The following EPHA6 variants were observed in gnomAD, a reference collection of about 807,000 sequenced individuals.
The protein encoded by EPHA6 is EPH receptor A6.
Under a neutral mutation model 112.0 loss-of-function variants are expected in EPHA6, and 50 were observed. That is an observed-to-expected ratio of 0.45 (90% CI 0.36 to 0.56). The LOEUF is 0.56. Ranked by LOEUF, EPHA6 falls within the 20% of genes least tolerant of loss-of-function variation. The pLI, the probability that EPHA6 is intolerant of heterozygous loss-of-function variation, is 0.00. For missense variants in EPHA6, 1,280 were observed against 1,417.4 expected (o/e 0.90, Z 1.56); for synonymous variants, 529 against 490.7 (o/e 1.08, Z -1.03).
chr3:97,217,288 A>C (rs1360967471), intron 3 of EPHA6, among the ~76,000 whole-genome samples: 1 of 152,150 alleles, frequency 6.6e-6, no homozygotes, highest in Non-Finnish European at 1.5e-5. Flanking sequence ...TGCTCACTTA[A>C]ATTTTACTAA....
chr3:96,928,161 T>C (rs2107648267), intron 2 of EPHA6, among the ~76,000 whole-genome samples: 1 of 152,290 alleles, frequency 6.6e-6, no homozygotes, highest in South Asian at 2.1e-4. Flanking sequence ...ATGAGATTTG[T>C]GTGGGGACAC....
intron 5 of EPHA6, among the ~76,000 whole-genome samples, chr3:97,328,050 T>TACACACAC (rs1191368089): frequency 1.4e-5 from 1 of 69,524 alleles, no homozygotes; most frequent in African/African-American, 4.9e-5. Context: ...CACACATATA[T>TACACACAC]ACACATATAT....
chr3:96,851,381 A>G (rs1299071471), intron 1 of EPHA6, among the ~76,000 whole-genome samples: 1 of 152,154 alleles, frequency 6.6e-6, no homozygotes, highest in African/African-American at 2.4e-5. Flanking sequence ...TATTTAGAGG[A>G]TGAGAATTTA....
intron 15 of EPHA6, among the ~76,000 whole-genome samples, chr3:97,721,957 C>A (rs1303991587): frequency 6.6e-6 from 1 of 152,168 alleles, no homozygotes; most frequent in Non-Finnish European, 1.5e-5. Context: ...CATAATTCCT[C>A]TTCTGCCCTA....
intron 14 of EPHA6, among the ~76,000 whole-genome samples, chr3:97,717,984 A>G (rs1373020496): frequency 6.6e-6 from 1 of 152,192 alleles, no homozygotes; most frequent in East Asian, 1.9e-4. Flanking sequence ...TTAGCAAAGG[A>G]ACAGCCAGGC....
chr3:96,946,271 C>T (rs1304159999), intron 2 of EPHA6, among the ~76,000 whole-genome samples: 4 of 151,886 alleles, frequency 2.6e-5, no homozygotes, highest in Admixed American at 1.3e-4. Context: ...TGTGCTGCAC[C>T]GAGTAACTCG....
At chr3:97,098,114 A>G (rs1202374506) in intron 3 of EPHA6, among the ~76,000 whole-genome samples, 1 of 151,908 alleles carries the variant, frequency 6.6e-6, no homozygotes, top group Non-Finnish European at 1.5e-5. Context: ...AGTTCTCACA[A>G]TGACTTTTTG....
chr3:96,936,164 A>AC (rs574316710), intron 2 of EPHA6, among the ~76,000 whole-genome samples: 10 of 152,030 alleles, frequency 6.6e-5, no homozygotes, highest in Non-Finnish European at 1.5e-4. Flanking sequence ...AACAACATCT[A>AC]TTTTTTTAAA....
At chr3:96,882,298 C>T (rs2037360360) in intron 2 of EPHA6, among the ~76,000 whole-genome samples, 1 of 152,198 alleles carries the variant, frequency 6.6e-6, no homozygotes. Flanking sequence ...CCAGGTGTTT[C>T]CATACATCTT....
rs1464684598 is a variant in EPHA6 at position 97,307,608 on chromosome 3, G to GT, written c.1606+63321_1606+63322insT. Among the ~76,000 whole-genome samples, 75 of 142,082 alleles carry GT rather than the reference G, an allele frequency of 5.3e-4. 1 individual carries two copies. The highest frequency in any genetic ancestry group is 1.7e-3 in the African/African-American group (61 of 36,406). 93.2% of individuals were successfully genotyped at this position (142,082 alleles called of 152,430 possible). ...ACTAGTTTTGTCTTTACATTTTGTT[G>GT]CCTTTTTTTTTTTCTTTAAAGGTGA... On this transcript the variant is annotated intron_variant, in intron 5 of 17. Coordinates refer to ENST00000389672, the MANE Select transcript of EPHA6 (RefSeq NM_001080448.3).
chr3:97,102,097 T>TC (rs1232738051), intron 3 of EPHA6, among the ~76,000 whole-genome samples: 1 of 152,066 alleles, frequency 6.6e-6, no homozygotes, highest in Non-Finnish European at 1.5e-5. Context: ...TTCTTGGTAC[T>TC]CAGACACTCT....
intron 16 of EPHA6, among the ~76,000 whole-genome samples, chr3:97,736,470 AGTGTGTGTGTGTGTGTGTGTGT>A (rs376497031): frequency 3.4e-5 from 4 of 118,812 alleles, no homozygotes; most frequent in Non-Finnish European, 6.8e-5. Context: ...AGAGAGAGAG[AGTGTGTGTGTGTGTGTGTGTGT>A]GTGTGTGTGT....
At chr3:97,535,341 T>C (rs572466685) in intron 11 of EPHA6, among the ~76,000 whole-genome samples, 1 of 152,196 alleles carries the variant, frequency 6.6e-6, no homozygotes, top group Non-Finnish European at 1.5e-5. Flanking sequence ...AAATCTCATA[T>C]CTGTTATAGG....
At chr3:97,376,358 A>G (rs2085355132) in intron 5 of EPHA6, among the ~76,000 whole-genome samples, 1 of 152,178 alleles carries the variant, frequency 6.6e-6, no homozygotes. Flanking sequence ...TGAAATAGGC[A>G]GGCTTCTGAC....
At chr3:96,842,559 A>G (rs2034814002) in intron 1 of EPHA6, among the ~76,000 whole-genome samples, 1 of 152,126 alleles carries the variant, frequency 6.6e-6, no homozygotes, top group Non-Finnish European at 1.5e-5. Context: ...CTCAGATTGA[A>G]TTTAGATTAA....
intron 3 of EPHA6, among the ~76,000 whole-genome samples, chr3:97,125,471 C>T (rs1331170654): frequency 6.6e-6 from 1 of 152,058 alleles, no homozygotes; most frequent in African/African-American, 2.4e-5. Flanking sequence ...TATCACTATA[C>T]ATATTTTGGA....
intron 3 of EPHA6, among the ~76,000 whole-genome samples, chr3:97,220,861 C>G (rs1356780358): frequency 6.6e-6 from 1 of 152,168 alleles, no homozygotes; most frequent in Non-Finnish European, 1.5e-5. Flanking sequence ...ATAGCCATAT[C>G]TACTATTTAG....
At chr3:97,598,689 G>A (rs1447204047) in intron 12 of EPHA6, among the ~76,000 whole-genome samples, 17 of 151,368 alleles carry the variant, frequency 1.1e-4, no homozygotes, top group South Asian at 2.1e-4. Context: ...GGTTGGTTCC[G>A]AGTCTTTGCT....
rs114202933 is a variant in EPHA6 at position 97,009,544 on chromosome 3, T to A, written c.1114+21551T>A. On this transcript the variant is annotated intron_variant, in intron 3 of 17. Coordinates refer to ENST00000389672, the MANE Select transcript of EPHA6 (RefSeq NM_001080448.3). ...CCAGGGAGCTTAGTGTGGTAGGCAG[T>A]TGCCAGTCCCACTGCTGGTTGCTTC... Among the ~76,000 whole-genome samples the A allele has an allele frequency of 5.8e-3, 885 of 152,334 alleles. 11 individuals carry two copies. Among genetic ancestry groups the A allele is most frequent in the African/African-American group, 0.02 (830 of 41,586 alleles).
Sources: allele counts gnomAD v4.1 joint callset (sites outside exome capture counted in the v4.1 genomes callset), GRCh38; gene constraint gnomAD v4.1.1; transcripts MANE v1.5; gene names NCBI Gene and HGNC (gene_info 2026-07-23, HGNC 2026-07-21).